Variants in SIK3 observed in about 807,000 individuals in gnomAD.
SIK3 encodes serine/threonine-protein kinase SIK3.
A neutral mutation model predicts 144.2 loss-of-function variants in SIK3; 28 were observed. The ratio of observed to expected loss-of-function variants is 0.19; its 90% CI spans 0.14 to 0.27. The LOEUF (loss-of-function observed/expected upper bound fraction) is 0.27, where lower values mean the gene tolerates loss of function less well. SIK3 is among the 10% of genes least tolerant of loss of function. The probability of loss-of-function intolerance (pLI) is 1.00; values close to 1 mark genes in which losing one functional copy is unlikely to be tolerated. For missense variants in SIK3, 1,319 were observed against 1,776.0 expected, an observed-to-expected ratio of 0.74 and a Z score of 4.62; for synonymous variants, 686 against 676.3, an observed-to-expected ratio of 1.01 and a Z score of -0.22.
At chr11:116,995,292 C>T (rs1340825112) in intron 1 of SIK3, among the ~76,000 whole-genome samples, 2 of 149,020 alleles carry the variant, frequency 1.3e-5, no homozygotes, top group African/African-American at 4.9e-5. Context: ...AAGACAGGGT[C>T]TCACTCTGTC....
At chr11:117,059,476 A>G (rs1953700674) in intron 1 of SIK3, among the ~76,000 whole-genome samples, 1 of 152,244 alleles carries the variant, frequency 6.6e-6, no homozygotes, top group Non-Finnish European at 1.5e-5. Flanking sequence ...AAGCTCTTAG[A>G]GAGACAAAGA....
At chr11:116,972,530 A>C (rs984990222) in intron 1 of SIK3, among the ~76,000 whole-genome samples, 7 of 152,118 alleles carry the variant, frequency 4.6e-5, no homozygotes, top group African/African-American at 1.7e-4. Flanking sequence ...TGTACCCAAT[A>C]TTTTTAAAAG....
At chr11:117,065,608 A>G (rs1388279602) in intron 1 of SIK3, among the ~76,000 whole-genome samples, 2 of 146,926 alleles carry the variant, frequency 1.4e-5, no homozygotes, top group Non-Finnish European at 3.0e-5. Flanking sequence ...TATCTTCAAT[A>G]TCTTCAAATT....
At chr11:116,911,364 G>A (rs1946334623) in intron 4 of SIK3, among the ~76,000 whole-genome samples, 1 of 151,616 alleles carries the variant, frequency 6.6e-6, no homozygotes, top group African/African-American at 2.4e-5. Flanking sequence ...AAAATTAGCT[G>A]GGTGTGGTGG....
In SIK3 at chr11:116,858,303, CTGCTGCTGCCGTTGT is replaced by C. The variant is rs751346331; in HGVS notation, c.3147_3161del (p.Arg1051_Gln1055del). The C allele has an allele frequency of 6.2e-7, 1 of 1,612,912 alleles. No individual in the cohort carries two copies. Among genetic ancestry groups the C allele is most frequent in the Non-Finnish European group, 8.5e-7 (1 of 1,179,232 alleles). Reference sequence around the variant, plus strand: ...ATTCTTGCTGTTGCTGCTGTTGCTGCTGCTGCTGCCGTTGTTGCTGCTGCCTTTTAATGAGCTGTG... The same window carrying C: ...ATTCTTGCTGTTGCTGCTGTTGCTGCTGCTGCTGCCTTTTAATGAGCTGTG... On this transcript the variant is annotated inframe_deletion, in exon 21 of 25. Coordinates refer to ENST00000445177, the MANE Select transcript of SIK3 (RefSeq NM_001366686.3). The surrounding 1 kb of genome is among the most constrained non-coding windows in gnomAD (Gnocchi z 5.4).
At chr11:116,965,763 ATATATATATATATATATAT>A (rs1565507681) in intron 1 of SIK3, among the ~76,000 whole-genome samples, 1,181 of 54,964 alleles carry the variant, frequency 0.021, 44 homozygotes, top group African/African-American at 0.059. Flanking sequence ...ATATATATAT[ATATATATATATATATATAT>A]AAATTAGCCA....
chr11:117,059,105 G>A (rs1256981527), intron 1 of SIK3, among the ~76,000 whole-genome samples: 3 of 152,208 alleles, frequency 2.0e-5, no homozygotes, highest in Non-Finnish European at 4.4e-5. Context: ...AGGAAATTGT[G>A]TTCAAAGAGA....
At chr11:117,023,961 G>A (rs1026943426) in intron 1 of SIK3, among the ~76,000 whole-genome samples, 1 of 152,066 alleles carries the variant, frequency 6.6e-6, no homozygotes, top group Non-Finnish European at 1.5e-5. Context: ...TTACAGGCAT[G>A]AGCCACCACA....
intron 1 of SIK3, among the ~76,000 whole-genome samples, chr11:117,043,690 G>A (rs774669850): frequency 6.6e-5 from 10 of 152,200 alleles, no homozygotes; most frequent in Admixed American, 1.3e-4. Context: ...CAGCCATAGG[G>A]TTTCATGTCT....
rs775894060 is a variant in SIK3, at chr11:116,863,681, T to C, written c.2090A>G (p.Lys697Arg). The C allele has an allele frequency of 9.3e-6, 15 of 1,614,190 alleles. No individual in the cohort carries two copies. In the East Asian group the frequency reaches 2.9e-4, roughly 31 times the overall value. Reference sequence around the variant, plus strand: ...CTCTTCCATTACCTGCTGCAGCTGTTTGATGCTGCTGTTGTTGCCCATTTT... The same window carrying C: ...CTCTTCCATTACCTGCTGCAGCTGTCTGATGCTGCTGTTGTTGCCCATTTT... ...LEKMGNNSSI[K>R]QLQQECEQLQ... The change falls in exon 16 of 25, where the codon AAA becomes AGA. Residue 697 changes from lysine to arginine, a missense_variant. Lys to Arg is a conservative substitution (Grantham distance 26). This residue lies in a region of SIK3 where 77 missense variants were observed against 141.9 expected (regional missense o/e 0.54). Coordinates refer to ENST00000445177, the MANE Select transcript of SIK3 (RefSeq NM_001366686.3).
intron 1 of SIK3, among the ~76,000 whole-genome samples, chr11:117,083,416 T>C (rs1954871289): frequency 6.6e-6 from 1 of 152,154 alleles, no homozygotes; most frequent in African/African-American, 2.4e-5. Context: ...GATATTTAGG[T>C]ATAATATATG....
chr11:116,994,182 A>G (rs1379344059), intron 1 of SIK3, among the ~76,000 whole-genome samples: 1 of 152,224 alleles, frequency 6.6e-6, no homozygotes, highest in Non-Finnish European at 1.5e-5. Context: ...ATTGAATTAC[A>G]AAGTGTTATT....
intron 1 of SIK3, among the ~76,000 whole-genome samples, chr11:117,005,462 C>A (rs980090959): frequency 6.6e-6 from 1 of 151,690 alleles, no homozygotes; most frequent in Non-Finnish European, 1.5e-5. Flanking sequence ...CCTGCAAGAG[C>A]CAGAACCTAA....
chr11:116,882,277 T>C (rs1024733164), intron 6 of SIK3, among the ~76,000 whole-genome samples: 28 of 152,208 alleles, frequency 1.8e-4, no homozygotes, highest in Non-Finnish European at 8.8e-5. Context: ...ATTTTGCTGG[T>C]GAGGATTAAA....
chr11:116,972,404 A>G (rs1486380846), intron 1 of SIK3, among the ~76,000 whole-genome samples: 2 of 152,218 alleles, frequency 1.3e-5, no homozygotes, highest in African/African-American at 4.8e-5. Flanking sequence ...ATCAGACTTT[A>G]GCAAAATTTT....
intron 4 of SIK3, among the ~76,000 whole-genome samples, chr11:116,913,224 T>C (rs1269440175): frequency 6.6e-6 from 1 of 151,538 alleles, no homozygotes; most frequent in African/African-American, 2.4e-5. Flanking sequence ...TAGGAGCTAA[T>C]AGAGAAGTAA....
intron 3 of SIK3, among the ~76,000 whole-genome samples, chr11:116,928,654 A>G (rs1428018350): frequency 6.6e-6 from 1 of 152,150 alleles, no homozygotes; most frequent in African/African-American, 2.4e-5. Flanking sequence ...ATGGTAGGGG[A>G]GAAGGTTGAA....
Position 116,858,964 on chromosome 11 carries a change from C to T in SIK3, c.2766-265G>A, listed in dbSNP as rs1445856982. 1.3e-5 allele frequency among the ~76,000 whole-genome samples: 2 copies of T among 152,182 alleles called. No homozygotes were observed. Among genetic ancestry groups the T allele is most frequent in the Non-Finnish European group, 2.9e-5 (2 of 68,018 alleles). On this transcript the variant is annotated intron_variant, in intron 20 of 24. Transcript: ENST00000445177. This position sits in a 1 kb window ranked among gnomAD's most constrained non-coding sequence, Gnocchi z 5.4. ...GATGCTCCCTTCAAGAAAAGGGGAA[C>T]TGGAATTTTTATACATTCCTCTAAC...
At chr11:116,997,398 C>G (rs1950705447) in intron 1 of SIK3, among the ~76,000 whole-genome samples, 1 of 152,200 alleles carries the variant, frequency 6.6e-6, no homozygotes, top group Non-Finnish European at 1.5e-5. Context: ...ATTCATTCAA[C>G]AAATATGCAA....
Sources: allele counts gnomAD v4.1 joint callset (sites outside exome capture counted in the v4.1 genomes callset), GRCh38; gene constraint gnomAD v4.1.1; regional missense constraint gnomAD v4.1.1; non-coding constraint Gnocchi (gnomAD v3.1); transcripts MANE v1.5; gene names NCBI Gene and HGNC (gene_info 2026-07-23, HGNC 2026-07-21).